Variants in REL observed in about 807,000 individuals in gnomAD.
REL encodes the protein REL proto-oncogene, NF-kB subunit.
Under a neutral mutation model 45.9 loss-of-function variants are expected in REL, and 15 were observed. The ratio of observed to expected loss-of-function variants is 0.33; its 90% CI spans 0.22 to 0.50. The LOEUF is 0.50. REL is among the 20% of genes least tolerant of loss of function. REL has a pLI of 0.98. For synonymous variants in REL, 239 were observed against 242.1 expected (o/e 0.99, Z 0.12); for missense variants, 601 against 715.2 (o/e 0.84, Z 1.82).
chr2:60,886,755 T>G (rs1673081829), intron 1 of REL, among the ~76,000 whole-genome samples: 1 of 152,162 alleles, frequency 6.6e-6, no homozygotes, highest in Admixed American at 6.5e-5. Context: ...TGTAATTTTT[T>G]TATTTTAAAA....
At chr2:60,920,397 C>T (rs543671237) in intron 8 of REL, 177 bp from the exon 9 acceptor site, 18 of 654,732 alleles carry the variant, frequency 2.7e-5, no homozygotes, top group East Asian at 2.2e-4. Flanking sequence ...AACAGGGTTT[C>T]GCCATGTTGA....
chr2:60,921,455 C>T (rs937204850), intron 9 of REL, among the ~76,000 whole-genome samples: 1 of 151,922 alleles, frequency 6.6e-6, no homozygotes, highest in African/African-American at 2.4e-5. Context: ...TTTTAGTTTT[C>T]AAAAATACCT....
At chr2:60,905,598 G>GT (rs1673625787) in intron 4 of REL, among the ~76,000 whole-genome samples, 1 of 152,144 alleles carries the variant, frequency 6.6e-6, no homozygotes, top group Non-Finnish European at 1.5e-5. Context: ...ACCAAAGTGT[G>GT]TTAGCAGCCA....
chr2:60,917,697 TGTGTGTGTGTGTGTGTGTAC>T lies in REL; in HGVS notation c.536-479_536-460del, dbSNP rs1344148143. Among the ~76,000 whole-genome samples, 263 of 150,654 alleles carry T rather than the reference TGTGTGTGTGTGTGTGTGTAC, an allele frequency of 1.7e-3. 1 individual carries two copies. The highest frequency in any genetic ancestry group is 6.1e-3 in the African/African-American group (248 of 40,622). ...CCAAAATACTGTGTGTGTGTGTGTG[TGTGTGTGTGTGTGTGTGTAC>T]GTGTGTGTGTGTGTACATAGACTTA... is the stretch of plus-strand genomic sequence containing the variant. On this transcript the variant is annotated intron_variant, in intron 5 of 9. Transcript: ENST00000394479.
intron 4 of REL, among the ~76,000 whole-genome samples, chr2:60,911,914 C>G (rs1050342400): frequency 1.4e-5 from 2 of 147,826 alleles, no homozygotes; most frequent in Non-Finnish European, 3.0e-5. Context: ...AGGAGAATCA[C>G]TTGAACCCGG....
chr2:60,888,044 C>A (rs1198784178), intron 1 of REL, among the ~76,000 whole-genome samples: 1 of 151,884 alleles, frequency 6.6e-6, no homozygotes, highest in Non-Finnish European at 1.5e-5. Flanking sequence ...TCTCTTGCCT[C>A]AGTCTCCCAA....
intron 7 of REL, among the ~76,000 whole-genome samples, chr2:60,919,840 A>G (rs1375911628): frequency 6.6e-6 from 1 of 152,164 alleles, no homozygotes; most frequent in Non-Finnish European, 1.5e-5. Flanking sequence ...AGATTACTTT[A>G]AACAATTTTT....
chr2:60,881,715 T>G lies in REL; in HGVS notation c.-126T>G. ...GGAGGGCGGGAAGAAGGAGGAGGCC[T>G]CTAGGGTGGTCGGGGGACTGGGGGC... On this transcript the variant is annotated 5_prime_UTR_variant, in exon 1 of 10. Coordinates refer to ENST00000394479, the MANE Select transcript of REL (RefSeq NM_001291746.2). The G allele has an allele frequency of 2.7e-6, 2 of 743,296 alleles. No individual in the cohort carries two copies. Among genetic ancestry groups the G allele is most frequent in the Non-Finnish European group, 4.4e-6 (2 of 450,066 alleles). The allele number at this position is 743,296 out of a possible 1,614,324, so 46.0% of individuals were successfully genotyped here.
chr2:60,884,566 A>C (rs374116474), intron 1 of REL, among the ~76,000 whole-genome samples: 2 of 152,170 alleles, frequency 1.3e-5, no homozygotes, highest in African/African-American at 4.8e-5. Flanking sequence ...TTGTATATTT[A>C]TTCTATTTAA....
chr2:60,923,003 C>T lies in REL; in HGVS notation c.*468C>T. The stretch of plus-strand genomic sequence containing the variant: ...AGGTTGCAGTGAGCTGAGATCACAC[C>T]ACCGCACTCCAGCCTGGGTGACAGA... On this transcript the variant is annotated 3_prime_UTR_variant, in exon 10 of 10. Transcript: ENST00000394479. 1 of 160,194 alleles carries T rather than the reference C, an allele frequency of 6.2e-6. No homozygotes were observed. The highest frequency in any genetic ancestry group is 1.4e-5 in the Non-Finnish European group (1 of 73,354). 9.9% of individuals were successfully genotyped at this position (160,194 alleles called of 1,614,324 possible).
intron 3 of REL, among the ~76,000 whole-genome samples, chr2:60,897,369 G>A (rs943020019): frequency 2.7e-5 from 4 of 149,978 alleles, no homozygotes; most frequent in African/African-American, 7.4e-5. Flanking sequence ...GTGCGGTGGT[G>A]CGATCTCACC....
intron 4 of REL, among the ~76,000 whole-genome samples, chr2:60,901,839 A>G (rs1254771061): frequency 1.3e-5 from 2 of 152,244 alleles, no homozygotes; most frequent in East Asian, 1.9e-4. Context: ...AAGTATTTTC[A>G]TAGCATATTT....
chr2:60,907,394 CCCAG>C (rs1673690553), intron 4 of REL, among the ~76,000 whole-genome samples: 1 of 151,974 alleles, frequency 6.6e-6, no homozygotes, highest in Non-Finnish European at 1.5e-5. Flanking sequence ...TGCCTGTAAT[CCCAG>C]CCCTTGGGGA....
At chr2:60,915,319 T>C (rs1673935421) in intron 4 of REL, among the ~76,000 whole-genome samples, 1 of 152,216 alleles carries the variant, frequency 6.6e-6, no homozygotes, top group South Asian at 2.1e-4. Context: ...AATGCTACAT[T>C]TATAATGCTG....
chr2:60,924,208 A>G lies in REL; in HGVS notation c.*1673A>G, dbSNP rs574847748. On this transcript the variant is annotated 3_prime_UTR_variant, in exon 10 of 10. Transcript: ENST00000394479. The stretch of plus-strand genomic sequence containing the variant: ...CAGCATTCCCTTTCCCCCCTGCTTT[A>G]TGTATGTCCATAGCACTCACCACGA... 3.5e-5 allele frequency: 8 copies of G among 229,246 alleles called. No homozygotes were observed. The highest frequency in any genetic ancestry group is 1.1e-4 in the Admixed American group (2 of 17,658). 14.2% of individuals were successfully genotyped at this position (229,246 alleles called of 1,614,324 possible).
chr2:60,920,197 G>A (rs1414053852), intron 8 of REL, 88 bp downstream of exon 8: 2 of 1,100,050 alleles, frequency 1.8e-6, no homozygotes, highest in Non-Finnish European at 2.6e-6. Context: ...TTTTTGTTTT[G>A]TTTTGTTGTT....
At chr2:60,902,533 G>GT (rs56336137) in intron 4 of REL, among the ~76,000 whole-genome samples, 88,253 of 139,760 alleles carry the variant, frequency 0.63, 27,792 homozygotes, top group Middle Eastern at 0.8. Flanking sequence ...TTACAAATCT[G>GT]TTTTTTTTTT....
intron 4 of REL, among the ~76,000 whole-genome samples, chr2:60,906,915 T>A (rs201161169): frequency 0.011 from 1,174 of 103,252 alleles, 8 homozygotes; most frequent in East Asian, 0.05. Context: ...ATATATATAT[T>A]TTTTTTTTTT....
chr2:60,923,188 G>A lies in REL; in HGVS notation c.*653G>A, dbSNP rs1339530863. On this transcript the variant is annotated 3_prime_UTR_variant, in exon 10 of 10. Transcript: ENST00000394479. ...TTAATTTTTTATTTTTGAGGCCCATGGGCCAAGGTAACCCCTAAGGGGTTT... is the reference window on the plus strand; with the variant it reads ...TTAATTTTTTATTTTTGAGGCCCATAGGCCAAGGTAACCCCTAAGGGGTTT... 1.4e-5 allele frequency: 3 copies of A among 208,478 alleles called. No homozygotes were observed. The highest frequency in any genetic ancestry group is 1.9e-4 in the South Asian group (1 of 5,298). 12.9% of individuals were successfully genotyped at this position (208,478 alleles called of 1,614,324 possible).
Sources: gnomAD v4.1 joint callset for allele counts (sites outside exome capture counted in the v4.1 genomes callset) on GRCh38, gnomAD v4.1.1 for gene constraint, MANE v1.5 for transcripts, NCBI Gene and HGNC (gene_info 2026-07-23, HGNC 2026-07-21) for gene names.